Variants in IL23R observed in about 807,000 individuals in gnomAD.
IL23R encodes interleukin-23 receptor.
IL23R carries 34 observed loss-of-function variants against 56.9 expected under a neutral mutation model. That is an observed-to-expected ratio of 0.60 (90% CI 0.45 to 0.80). IL23R has a LOEUF of 0.80. Among genes scored for constraint, IL23R ranks in the 30% least tolerant of loss-of-function variants. IL23R has a pLI of 0.00. For synonymous variants in IL23R, 230 were observed against 249.2 expected, an observed-to-expected ratio of 0.92 and a Z score of 0.73; for missense variants, 635 against 730.0, an observed-to-expected ratio of 0.87 and a Z score of 1.50.
intron 6 of IL23R, 135 bp from the exon 7 acceptor site, chr1:67,219,439 A>T: frequency 1.3e-6 from 1 of 777,186 alleles, no homozygotes; most frequent in Non-Finnish European, 2.1e-6. Flanking sequence ...GCCACGTTTT[A>T]TATAAAGAAC....
intron 3 of IL23R, among the ~76,000 whole-genome samples, chr1:67,173,078 T>G (rs1012889415): frequency 5.9e-5 from 9 of 151,500 alleles, no homozygotes; most frequent in Non-Finnish European, 1.3e-4. Flanking sequence ...AGGGGAGGGG[T>G]GGGATTGGCA....
chr1:67,173,852 A>G (rs918584510), intron 3 of IL23R, among the ~76,000 whole-genome samples: 1 of 152,120 alleles, frequency 6.6e-6, no homozygotes, highest in African/African-American at 2.4e-5. Flanking sequence ...ATGTCTTTGA[A>G]ATTTCAGACC....
At chr1:67,160,813 C>T (rs1646811862) in intron 1 of IL23R, among the ~76,000 whole-genome samples, 1 of 152,108 alleles carries the variant, frequency 6.6e-6, no homozygotes. Flanking sequence ...TCCTGAGAAG[C>T]AGCTAAGACT....
At chr1:67,215,351 C>T (rs1649762871) in intron 6 of IL23R, among the ~76,000 whole-genome samples, 1 of 152,198 alleles carries the variant, frequency 6.6e-6, no homozygotes, top group Admixed American at 6.5e-5. Flanking sequence ...GTGTTTGCAG[C>T]TCAGCTGGCT....
At chr1:67,220,064 C>T (rs544735078) in intron 7 of IL23R, among the ~76,000 whole-genome samples, 16 of 152,106 alleles carry the variant, frequency 1.1e-4, no homozygotes, top group African/African-American at 3.1e-4. Context: ...GACCAAGACC[C>T]TGTTTCCTAA....
exon 1 of IL23R, chr1:67,139,035 T>A (rs898690076): frequency 6.6e-6 from 1 of 152,192 alleles, no homozygotes; most frequent in Non-Finnish European, 1.5e-5. Flanking sequence ...ACTATGAAGA[T>A]CCTAAGAGTG....
intron 6 of IL23R, among the ~76,000 whole-genome samples, chr1:67,215,809 G>A (rs530894525): frequency 1.3e-5 from 2 of 152,290 alleles, no homozygotes; most frequent in African/African-American, 4.8e-5. Flanking sequence ...TCCTGAAAAT[G>A]TCTCTCCTCT....
chr1:67,184,621 C>A (rs1438996240), intron 4 of IL23R, among the ~76,000 whole-genome samples: 1 of 148,886 alleles, frequency 6.7e-6, no homozygotes, highest in Non-Finnish European at 1.5e-5. Flanking sequence ...ATAAAATAAG[C>A]CTTCTGTGGT....
intron 7 of IL23R, among the ~76,000 whole-genome samples, chr1:67,224,165 G>A (rs1023938132): frequency 6.6e-6 from 1 of 152,042 alleles, no homozygotes; most frequent in Non-Finnish European, 1.5e-5. Context: ...TAAAAATCAA[G>A]CATAATAATT....
chr1:67,190,434 A>G (rs1178253734), intron 4 of IL23R, among the ~76,000 whole-genome samples: 7 of 98,518 alleles, frequency 7.1e-5, no homozygotes, highest in African/African-American at 2.2e-4. Context: ...ATGATAGGGA[A>G]AAAAAAAAAC....
chr1:67,176,268 T>C (rs1478924106), intron 3 of IL23R, among the ~76,000 whole-genome samples: 1 of 152,030 alleles, frequency 6.6e-6, no homozygotes, highest in Non-Finnish European at 1.5e-5. Context: ...GGAGACTGAA[T>C]TTAGGATAAT....
At chr1:67,179,868 C>T (rs35495488) in intron 3 of IL23R, among the ~76,000 whole-genome samples, 13 of 152,152 alleles carry the variant, frequency 8.5e-5, no homozygotes, top group South Asian at 8.3e-4. Context: ...GCCTTCATTT[C>T]GTTATGTACC....
chr1:67,159,554 C>G (rs550341088), intron 1 of IL23R, among the ~76,000 whole-genome samples: 1 of 152,092 alleles, frequency 6.6e-6, no homozygotes, highest in African/African-American at 2.4e-5. Flanking sequence ...AGTGTGAGAA[C>G]AAACTAATAC....
intron 1 of IL23R, among the ~76,000 whole-genome samples, chr1:67,154,719 C>T (rs1646756727): frequency 6.6e-6 from 1 of 152,016 alleles, no homozygotes; most frequent in South Asian, 2.1e-4. Context: ...TACAGCACAC[C>T]AATGGGTCTT....
At chr1:67,241,097 CCTT>C (rs971498711) in intron 9 of IL23R, among the ~76,000 whole-genome samples, 1 of 152,204 alleles carries the variant, frequency 6.6e-6, no homozygotes, top group Admixed American at 6.5e-5. Context: ...AGTATGGAGT[CCTT>C]CTCAGATCAT....
chr1:67,176,704 A>G (rs1049403253), intron 3 of IL23R, among the ~76,000 whole-genome samples: 4 of 152,128 alleles, frequency 2.6e-5, no homozygotes, highest in Non-Finnish European at 4.4e-5. Context: ...TTTCATACAT[A>G]TACATGTGCC....
At chr1:67,222,663 C>T (rs756351052) in intron 7 of IL23R, among the ~76,000 whole-genome samples, 2 of 152,012 alleles carry the variant, frequency 1.3e-5, no homozygotes, top group Admixed American at 6.6e-5. Flanking sequence ...ATGATGTCAG[C>T]CATATTTGGT....
chr1:67,220,095 G>T (rs1014031578), intron 7 of IL23R, among the ~76,000 whole-genome samples: 1 of 152,024 alleles, frequency 6.6e-6, no homozygotes, highest in Admixed American at 6.6e-5. Context: ...ACAGCCAGGT[G>T]CAGTGGCTTA....
chr1:67,195,557 A>G, intron 4 of IL23R, among the ~76,000 whole-genome samples: 1 of 152,204 alleles, frequency 6.6e-6, no homozygotes, highest in Non-Finnish European at 1.5e-5. Context: ...GTCTGTCTCT[A>G]AAATCCAAGC....
Sources: gnomAD v4.1 joint callset for allele counts (sites outside exome capture counted in the v4.1 genomes callset) on GRCh38, gnomAD v4.1.1 for gene constraint, MANE v1.5 for transcripts, NCBI Gene and HGNC (gene_info 2026-07-23, HGNC 2026-07-21) for gene names.